SPG7: variants seen among roughly 807,000 people sequenced by gnomAD.
The protein encoded by SPG7 is mitochondrial inner membrane m-AAA protease component paraplegin.
SPG7 carries 103 observed loss-of-function variants against 81.9 expected under a neutral mutation model. The ratio of observed to expected loss-of-function variants is 1.26; its 90% CI spans 1.07 to 1.48. The LOEUF (loss-of-function observed/expected upper bound fraction) is 1.48. Ranked by LOEUF, SPG7 falls within the 40% of genes most tolerant of loss-of-function variation. The pLI, the probability that SPG7 is intolerant of heterozygous loss-of-function variation, is 0.00. For synonymous variants in SPG7, 534 were observed against 444.2 expected (o/e 1.20, Z -2.54); for missense variants, 1,241 against 1,087.3 (o/e 1.14, Z -1.99).
At chr16:89,550,101 C>A in intron 12 of SPG7, 1 of 336,086 alleles carries the variant, frequency 3.0e-6, no homozygotes, top group East Asian at 7.8e-5. Context: ...GAGAGGCTTG[C>A]TTTGACCACA....
At position 89,532,526 on chromosome 16, in the gene SPG7, T is replaced by C. The variant is rs2058358876; in HGVS notation, c.1214T>C (p.Val405Ala). ...GCCCGAGCCCGGGCCCCCTGCATCG[T>C]CTACATCGATGAGATCGACGCGGTG... ...KEARARAPCI[V>A]YIDEIDAVGK... Residue 405 changes from valine to alanine, a missense_variant, in exon 9 of 17, where the codon GTC becomes GCC. By Grantham distance (64) the Val-to-Ala change is moderately conservative. Coordinates refer to ENST00000645818, the MANE Select transcript of SPG7 (RefSeq NM_003119.4). 1.2e-6 allele frequency: 2 copies of C among 1,613,730 alleles called. No individual in the cohort carries two copies. The highest frequency in any genetic ancestry group is 8.5e-7 in the Non-Finnish European group (1 of 1,180,034).
chr16:89,542,748 G>A (rs1356990583), intron 9 of SPG7, among the ~76,000 whole-genome samples: 1 of 152,016 alleles, frequency 6.6e-6, no homozygotes, highest in African/African-American at 2.4e-5. Context: ...AGAACATGGG[G>A]TTGCTGGAGC....
chr16:89,527,852 T>C (rs1293231820), intron 5 of SPG7, among the ~76,000 whole-genome samples: 1 of 151,970 alleles, frequency 6.6e-6, no homozygotes, highest in Non-Finnish European at 1.5e-5. Flanking sequence ...CCCAGCACTT[T>C]GGAAGGCTGA....
At chr16:89,509,723 T>G (rs1249134722) in intron 1 of SPG7, among the ~76,000 whole-genome samples, 1 of 152,084 alleles carries the variant, frequency 6.6e-6, no homozygotes, top group Admixed American at 6.6e-5. Flanking sequence ...GCTGCTCCCT[T>G]TCTCCTGCAG....
Position 89,532,124 on chromosome 16 carries a change from C to T in SPG7, c.1150+58C>T, listed in dbSNP as rs1044127451. ...TTGGCTGACTACCTGGCTCCTTTCA[C>T]ACATCCTTCCTCTGGTGTCTGGACT... On this transcript the variant is annotated intron_variant, in intron 8 of 16. Transcript: ENST00000645818. 2.6e-6 allele frequency: 4 copies of T among 1,539,688 alleles called. No homozygotes were observed. The South Asian group carries it at 3.4e-5, about 13-fold the overall frequency.
intron 9 of SPG7, among the ~76,000 whole-genome samples, chr16:89,534,922 G>A (rs781649710): frequency 3.7e-4 from 56 of 152,276 alleles, no homozygotes; most frequent in Non-Finnish European, 1.5e-4. Context: ...TGTTTTTTGA[G>A]ACAGGGTCTT....
chr16:89,523,503 A>G (rs2152399234), intron 3 of SPG7: 1 of 349,810 alleles, frequency 2.9e-6, no homozygotes, highest in Non-Finnish European at 5.7e-6. Context: ...AACTCCAAGC[A>G]ACTGGATTCA....
Position 89,552,994 on chromosome 16 carries a change from C to T in SPG7, c.1795C>T (p.Arg599Trp), listed in dbSNP as rs764645740. 1.4e-5 allele frequency: 23 copies of T among 1,613,806 alleles called. No individual in the cohort carries two copies. In the Admixed American group the frequency reaches 1.8e-4, roughly 13 times the overall value. ...EAVMKVSITP[R>W]TNAALGFAQM... ...CTTGTGCCAGGTCTCCATAACCCCT[C>T]GGACAAACGCCGCCCTGGGCTTTGC... Residue 599 changes from arginine to tryptophan, a missense_variant, in exon 14 of 17, where the codon CGG (arginine) becomes TGG (tryptophan). Coordinates refer to ENST00000645818, the MANE Select transcript of SPG7 (RefSeq NM_003119.4).
rs767931374 is a variant in SPG7 at position 89,531,173 on chromosome 16, C to T, written c.987+365C>T. On this transcript the variant is annotated intron_variant, in intron 7 of 16. Coordinates refer to ENST00000645818, the MANE Select transcript of SPG7 (RefSeq NM_003119.4). ...GTGCGTCACTTACACGTTTCCTCCG[C>T]GGGCCTGGTACGGTGGGTCGCACCT... 59 of 373,772 alleles carry T rather than the reference C, an allele frequency of 1.6e-4. No individual in the cohort carries two copies. The Middle Eastern group carries it at 2.8e-3, about 18-fold the overall frequency. 23.2% of individuals were successfully genotyped at this position (373,772 alleles called of 1,614,324 possible).
chr16:89,517,175 C>G (rs2058109270), intron 3 of SPG7: 1 of 152,304 alleles, frequency 6.6e-6, no homozygotes, highest in Non-Finnish European at 1.5e-5. Context: ...TGTGCGGATT[C>G]TGCATTCAGC....
chr16:89,553,489 C>A, intron 14 of SPG7: 1 of 532,186 alleles, frequency 1.9e-6, no homozygotes, highest in East Asian at 3.4e-5. Flanking sequence ...GGCCCCTGGG[C>A]TCCAGGTCCA....
chr16:89,555,084 CTTTT>C (rs1429443142), intron 16 of SPG7: 96 of 130,318 alleles, frequency 7.4e-4, no homozygotes, highest in Middle Eastern at 8.0e-3. Flanking sequence ...CTCGGCTTTT[CTTTT>C]TTTTTTTTTT....
chr16:89,510,355 C>G, intron 1 of SPG7, 135 bp from the exon 2 acceptor site: 171 of 650,598 alleles, frequency 2.6e-4, no homozygotes, highest in East Asian at 9.2e-4. Flanking sequence ...CAGACTATTA[C>G]TTTATATTTC....
chr16:89,556,580 A>G (rs996178818), intron 16 of SPG7: 1 of 423,002 alleles, frequency 2.4e-6, no homozygotes, highest in Non-Finnish European at 4.4e-6. Flanking sequence ...CATTTTACCC[A>G]TCTCCTTCCC....
chr16:89,556,865 C>G (rs201003909), intron 16 of SPG7, 22 bp from the exon 17 acceptor site: 3 of 1,592,846 alleles, frequency 1.9e-6, no homozygotes, highest in Admixed American at 1.7e-5. Context: ...GACTCACACA[C>G]TGCTATGCCT....
At chr16:89,529,696 A>C in intron 6 of SPG7, 117 bp downstream of exon 6, 1 of 780,954 alleles carries the variant, frequency 1.3e-6, no homozygotes, top group Non-Finnish European at 2.2e-6. Context: ...AGTAGCCTGA[A>C]GCCACAATTA....
At position 89,514,891 on chromosome 16, in the gene SPG7, A is replaced by G. The variant is rs540413406; in HGVS notation, c.376+1854A>G. Among the ~76,000 whole-genome samples the G allele has an allele frequency of 3.3e-5, 5 of 150,588 alleles. No homozygotes were observed. The East Asian group carries it at 9.9e-4, about 30-fold the overall frequency. On this transcript the variant is annotated intron_variant, in intron 3 of 16. Transcript: ENST00000645818. ...GTGATTCACCCACCTTGGCCTCCCA[A>G]AGTGCTGAGATTACAGGTGTGAACC...
chr16:89,520,221 A>G (rs2058166956), intron 3 of SPG7: 1 of 152,924 alleles, frequency 6.5e-6, no homozygotes, highest in Non-Finnish European at 1.5e-5. Context: ...GCGCAGGCAC[A>G]AATGACCACA....
At chr16:89,542,034 A>G (rs1301023313) in intron 9 of SPG7, 1 of 150,978 alleles carries the variant, frequency 6.6e-6, no homozygotes, top group Non-Finnish European at 1.5e-5. Flanking sequence ...CCATCCTGAC[A>G]CATAGCCCGG....
Sources: gnomAD v4.1 joint callset for allele counts (sites outside exome capture counted in the v4.1 genomes callset) on GRCh38, gnomAD v4.1.1 for gene constraint, MANE v1.5 for transcripts, NCBI Gene and HGNC (gene_info 2026-07-23, HGNC 2026-07-21) for gene names.